The following FLRT1 variants were observed in gnomAD, a reference collection of about 807,000 sequenced individuals.
FLRT1 encodes leucine-rich repeat transmembrane protein FLRT1.
Under a neutral mutation model 30.9 loss-of-function variants are expected in FLRT1, and 14 were observed. The ratio of observed to expected loss-of-function variants is 0.45; its 90% CI spans 0.30 to 0.71. The LOEUF is 0.71. Ranked by LOEUF, FLRT1 falls within the 30% of genes least tolerant of loss-of-function variation. FLRT1 has a pLI of 0.08. For missense variants in FLRT1, 737 were observed against 949.2 expected (o/e 0.78, Z 2.94); for synonymous variants, 368 against 430.4 (o/e 0.85, Z 1.80).
chr11:64,040,351 G>T (rs1271099451), intron 1 of FLRT1, among the ~76,000 whole-genome samples: 1 of 152,184 alleles, frequency 6.6e-6, no homozygotes, highest in Non-Finnish European at 1.5e-5. Flanking sequence ...AGAAACAAGG[G>T]CCTGGAGGAC....
At chr11:64,039,873 G>A (rs1191403085) in intron 1 of FLRT1, among the ~76,000 whole-genome samples, 2 of 152,194 alleles carry the variant, frequency 1.3e-5, no homozygotes, top group Non-Finnish European at 2.9e-5. Context: ...GGTGGCTAGT[G>A]AGGGTGGGGG....
intron 2 of FLRT1, among the ~76,000 whole-genome samples, chr11:64,107,721 GCT>G (rs1470285201): frequency 1.3e-5 from 2 of 152,242 alleles, no homozygotes; most frequent in Non-Finnish European, 2.9e-5. Context: ...GGTGTGGCTG[GCT>G]GGCACCCTGC....
At chr11:64,070,363 GC>G (rs1346302482) in intron 1 of FLRT1, among the ~76,000 whole-genome samples, 1 of 152,120 alleles carries the variant, frequency 6.6e-6, no homozygotes, top group East Asian at 1.9e-4. Context: ...GATCCTCCTG[GC>G]CCTTCTGAGC....
intron 1 of FLRT1, among the ~76,000 whole-genome samples, chr11:64,093,940 CAGA>C (rs1485960663): frequency 1.3e-5 from 2 of 152,204 alleles, no homozygotes; most frequent in Non-Finnish European, 2.9e-5. Context: ...CCTTGCTCTG[CAGA>C]AGCAGAGGAT....
chr11:64,103,242 C>T lies in FLRT1; in HGVS notation c.-989C>T, dbSNP rs1437798954. 2 of 152,272 alleles carry T rather than the reference C, an allele frequency of 1.3e-5. No individual in the cohort carries two copies. Among genetic ancestry groups the T allele is most frequent in the Non-Finnish European group, 2.9e-5 (2 of 68,152 alleles). The allele number at this position is 152,272 out of a possible 1,614,324, so 9.4% of individuals were successfully genotyped here. On this transcript the variant is annotated 5_prime_UTR_variant, in exon 2 of 3. An upstream open reading frame in the 5' UTR gains an earlier in-frame stop. Transcript: ENST00000682287. ...GAAGATGGATTCCTTTTTGGACAGA[C>T]AAGACCAGAGAGTGAAGCGGGAATA...
chr11:64,076,152 C>T (rs746565056), intron 1 of FLRT1, among the ~76,000 whole-genome samples: 5 of 152,214 alleles, frequency 3.3e-5, no homozygotes, highest in Admixed American at 1.3e-4. Flanking sequence ...CTGACCCCAG[C>T]GACCTTCCCA....
intron 1 of FLRT1, among the ~76,000 whole-genome samples, chr11:64,044,622 T>C (rs112982026): frequency 0.011 from 1,673 of 152,256 alleles, 33 homozygotes; most frequent in African/African-American, 0.038. Context: ...CAAAGTCACT[T>C]GCCCAAGGTC....
chr11:64,063,649 C>T (rs912016194), intron 1 of FLRT1, among the ~76,000 whole-genome samples: 4 of 152,142 alleles, frequency 2.6e-5, no homozygotes, highest in Non-Finnish European at 5.9e-5. Context: ...GTTTGTGTGA[C>T]GTGGGAGTGT....
intron 1 of FLRT1, among the ~76,000 whole-genome samples, chr11:64,099,282 G>T (rs1034777051): frequency 6.6e-6 from 1 of 152,258 alleles, no homozygotes; most frequent in Admixed American, 6.5e-5. Context: ...CCCTGTGTGC[G>T]TCTCACATTG....
At chr11:64,100,656 C>G (rs1212606387) in intron 1 of FLRT1, among the ~76,000 whole-genome samples, 1 of 152,194 alleles carries the variant, frequency 6.6e-6, no homozygotes, top group African/African-American at 2.4e-5. Flanking sequence ...TACTAATGAT[C>G]ATCATTATGC....
At chr11:64,086,136 G>A (rs1476910902) in intron 1 of FLRT1, among the ~76,000 whole-genome samples, 1 of 152,180 alleles carries the variant, frequency 6.6e-6, no homozygotes, top group African/African-American at 2.4e-5. Context: ...GTGGGTGGCT[G>A]CGCACACACA....
intron 2 of FLRT1, among the ~76,000 whole-genome samples, chr11:64,112,969 T>C (rs537251006): frequency 6.6e-6 from 1 of 152,318 alleles, no homozygotes; most frequent in South Asian, 2.1e-4. Context: ...TGCAAAGCCA[T>C]GCTTGGCCAC....
At chr11:64,048,798 T>G (rs965010375) in intron 1 of FLRT1, among the ~76,000 whole-genome samples, 5 of 152,206 alleles carry the variant, frequency 3.3e-5, no homozygotes, top group Non-Finnish European at 7.3e-5. Flanking sequence ...GAACCCATTC[T>G]GAGCCCCAGG....
At chr11:64,080,822 A>C (rs1289689851) in intron 1 of FLRT1, among the ~76,000 whole-genome samples, 1 of 151,818 alleles carries the variant, frequency 6.6e-6, no homozygotes, top group Non-Finnish European at 1.5e-5. Context: ...TGATGGGAGA[A>C]CTCTTGGGGT....
intron 2 of FLRT1, among the ~76,000 whole-genome samples, chr11:64,106,573 T>G (rs1396591246): frequency 6.6e-6 from 1 of 152,202 alleles, no homozygotes. Context: ...TTGTCAGGGT[T>G]GTTCTCAGCC....
intron 1 of FLRT1, among the ~76,000 whole-genome samples, chr11:64,087,396 T>A (rs1565226337): frequency 6.6e-6 from 1 of 152,140 alleles, no homozygotes; most frequent in Non-Finnish European, 1.5e-5. Flanking sequence ...ACAGGCCGGT[T>A]GTCCCCAGCC....
intron 1 of FLRT1, among the ~76,000 whole-genome samples, chr11:64,071,657 T>C (rs900963012): frequency 1.3e-5 from 2 of 152,104 alleles, no homozygotes; most frequent in Non-Finnish European, 2.9e-5. Context: ...ATTTGTGAAG[T>C]GGGAACCACA....
In FLRT1 at chr11:64,116,694, G is replaced by C; in HGVS notation, c.427G>C (p.Ala143Pro). 6.2e-7 allele frequency: 1 copy of C among 1,613,824 alleles called. No homozygotes were observed. Among genetic ancestry groups the C allele is most frequent in the Non-Finnish European group, 8.5e-7 (1 of 1,180,012 alleles). ...HLQDNNVRTI[A>P]RDSLARIPLL... ...GCAGGACAACAATGTGCGCACCATT[G>C]CCAGGGACTCGCTGGCCCGCATCCC... is the stretch of plus-strand genomic sequence containing the variant. Residue 143 changes from alanine (A) to proline (P), a missense_variant, in exon 3 of 3, where the codon GCC becomes CCC. Transcript: ENST00000682287.
Position 64,036,492 on chromosome 11 carries a change from C to G in FLRT1, c.-1038+333C>G, listed in dbSNP as rs940150081. ...TAGTCCAAGCCCTCGCTGCACCCCC[C>G]AGGGAGGGGGCCTGGCCCGTGGGGG... is the stretch of plus-strand genomic sequence containing the variant. On this transcript the variant is annotated intron_variant, in intron 1 of 2. Transcript: ENST00000682287. This position sits in a 1 kb window ranked among gnomAD's most constrained non-coding sequence, Gnocchi z 5.6. Among the ~76,000 whole-genome samples, 1 of 151,890 alleles carries G rather than the reference C, an allele frequency of 6.6e-6. No individual in the cohort carries two copies. Among genetic ancestry groups the G allele is most frequent in the Non-Finnish European group, 1.5e-5 (1 of 67,894 alleles).
Sources: gnomAD v4.1 joint callset for allele counts (sites outside exome capture counted in the v4.1 genomes callset) on GRCh38, gnomAD v4.1.1 for gene constraint, Gnocchi (gnomAD v3.1) non-coding constraint, MANE v1.5 for transcripts, NCBI Gene and HGNC (gene_info 2026-07-23, HGNC 2026-07-21) for gene names.